The following POLD1 variants were observed in gnomAD, a reference collection of about 807,000 sequenced individuals.
POLD1 encodes DNA polymerase delta catalytic subunit.
A neutral mutation model predicts 129.7 loss-of-function variants in POLD1; 79 were observed. The observed-to-expected ratio is 0.61, with a 90% confidence interval of 0.51 to 0.73. The LOEUF (loss-of-function observed/expected upper bound fraction) is 0.73. Among genes scored for constraint, POLD1 ranks in the 30% least tolerant of loss-of-function variants. POLD1 has a pLI of 0.00. For synonymous variants in POLD1, 714 were observed against 683.3 expected, an observed-to-expected ratio of 1.04 and a Z score of -0.70; for missense variants, 1,338 against 1,595.8, an observed-to-expected ratio of 0.84 and a Z score of 2.75.
intron 21 of POLD1, 36 bp downstream of exon 21, chr19:50,415,626 C>A (rs1489428535): frequency 7.5e-6 from 12 of 1,598,516 alleles, no homozygotes; most frequent in South Asian, 1.1e-5. Flanking sequence ...CCAGAAATAA[C>A]CCCCTCCTTC....
At chr19:50,407,725 A>ATTTTTTTTTTTTTTTTTT (rs571759517) in intron 14 of POLD1, among the ~76,000 whole-genome samples, 1 of 95,334 alleles carries the variant, frequency 1.0e-5, no homozygotes, top group African/African-American at 4.7e-5. Flanking sequence ...CGCCTGGCTA[A>ATTTTTTTTTTTTTTTTTT]TTTTTTTTTT....
In POLD1 at chr19:50,402,281, G is replaced by C. The variant is rs746678748; in HGVS notation, c.666G>C (p.Pro222=). 34 of 1,608,320 alleles carry C rather than the reference G, an allele frequency of 2.1e-5. No homozygotes were observed. In the Admixed American group the frequency reaches 5.2e-4, roughly 25 times the overall value. The part of the protein sequence containing the change: ...ITVALPRLVA[P]ARRLLEQGIR... ...TGGCGCTGCCGCGCCTCGTGGCCCC[G>C]GCCCGCCGTCTCCTGGAACAGGGCA... Residue 222 remains proline (P), a synonymous_variant, in exon 6 of 27, where the codon CCG becomes CCC. Transcript: ENST00000440232.
intron 10 of POLD1, among the ~76,000 whole-genome samples, chr19:50,405,262 G>C (rs571668865): frequency 6.6e-6 from 1 of 152,284 alleles, no homozygotes; most frequent in South Asian, 2.1e-4. Flanking sequence ...GCCCACCCCA[G>C]TGACCTCATC....
At position 50,409,812 on chromosome 19, in the gene POLD1, A is replaced by G; in HGVS notation, c.2154+146A>G. 2 of 857,466 alleles carry G rather than the reference A, an allele frequency of 2.3e-6. No homozygotes were observed. Among genetic ancestry groups the G allele is most frequent in the African/African-American group, 1.7e-5 (1 of 58,894 alleles). 53.1% of individuals were successfully genotyped at this position (857,466 alleles called of 1,614,324 possible). ...AGAGAGAGGATGCCAATGTGGCTTG[A>G]GCAATTGGTCCATTCCTTCACTCAG... On this transcript the variant is annotated intron_variant, in intron 17 of 26. Transcript: ENST00000440232. This position sits in a 1 kb window ranked among gnomAD's most constrained non-coding sequence, Gnocchi z 5.8.
chr19:50,399,087 A>G (rs1230474086), intron 2 of POLD1, 34 bp downstream of exon 2: 2 of 1,550,350 alleles, frequency 1.3e-6, no homozygotes, highest in South Asian at 1.2e-5. Context: ...CTGCTGCCCA[A>G]CCCATTGCCC....
chr19:50,406,419 G>A lies in POLD1; in HGVS notation c.1396G>A (p.Glu466Lys), dbSNP rs760166741. ...QMDMLQVLLR[E>K]YKLRSYTLNA... is the part of the protein sequence containing the mutation. ...CCCACCCACCTAGGTGCTGCTGCGGGAGTACAAGCTCCGCTCCTACACGCT... is the reference window on the plus strand; with the variant it reads ...CCCACCCACCTAGGTGCTGCTGCGGAAGTACAAGCTCCGCTCCTACACGCT... The change falls in exon 12 of 27, where the codon GAG (glutamate) becomes AAG (lysine). Residue 466 changes from glutamate (E) to lysine (K), a missense_variant. This residue lies in a region of POLD1 where 720 missense variants were observed against 1,002.6 expected (regional missense o/e 0.72). Coordinates refer to ENST00000440232, the MANE Select transcript of POLD1 (RefSeq NM_002691.4). The surrounding 1 kb of genome is among the most constrained non-coding windows in gnomAD (Gnocchi z 5.5). 1 of 1,602,760 alleles carries A rather than the reference G, an allele frequency of 6.2e-7. No homozygotes were observed. Among genetic ancestry groups the A allele is most frequent in the Non-Finnish European group, 8.5e-7 (1 of 1,174,488 alleles).
At chr19:50,411,622 C>T (rs986247401) in intron 17 of POLD1, among the ~76,000 whole-genome samples, 21 of 152,140 alleles carry the variant, frequency 1.4e-4, no homozygotes, top group African/African-American at 4.8e-4. Flanking sequence ...GGGCGGATCA[C>T]GAGGTCAGGA....
chr19:50,406,932 A>AC lies in POLD1; in HGVS notation c.1495-49dup. The AC allele has an allele frequency of 1.8e-6, 2 of 1,091,710 alleles. No individual in the cohort carries two copies. The highest frequency in any genetic ancestry group is 1.9e-5 in the South Asian group (1 of 53,884). 67.6% of individuals were successfully genotyped at this position (1,091,710 alleles called of 1,614,324 possible). A position where few individuals can be genotyped will look rare whatever the true frequency, so the allele number is the denominator to read the frequency against. On this transcript the variant is annotated intron_variant, in intron 12 of 26. Transcript: ENST00000440232. The surrounding 1 kb of genome is among the most constrained non-coding windows in gnomAD (Gnocchi z 5.5). ...GACCCCCACTTCCTTCTCCTGCTCC[A>AC]CCTCCCACCCCCAACCCCTGGTCCC...
intron 10 of POLD1, among the ~76,000 whole-genome samples, chr19:50,404,055 C>T (rs1014941278): frequency 1.3e-5 from 2 of 152,166 alleles, no homozygotes; most frequent in Admixed American, 6.5e-5. Flanking sequence ...AGCCACAGAC[C>T]AGGTGGCTGA....
rs1263645903 is a variant in POLD1 at position 50,406,603 on chromosome 19, C to T, written c.1494+86C>T. 2 of 953,430 alleles carry T rather than the reference C, an allele frequency of 2.1e-6. No homozygotes were observed. The highest frequency in any genetic ancestry group is 3.2e-5 in the African/African-American group (2 of 61,962). The allele number at this position is 953,430 out of a possible 1,614,324, so 59.1% of individuals were successfully genotyped here. A position where few individuals can be genotyped will look rare whatever the true frequency, so the allele number is the denominator to read the frequency against. On this transcript the variant is annotated intron_variant, in intron 12 of 26. Coordinates refer to ENST00000440232, the MANE Select transcript of POLD1 (RefSeq NM_002691.4). The surrounding 1 kb of genome is among the most constrained non-coding windows in gnomAD (Gnocchi z 5.5). ...GCCTCTGACCTCAACTTCACGCCCC[C>T]ACGTCTGACCTCACTCTTTGACCTG...
intron 3 of POLD1, among the ~76,000 whole-genome samples, chr19:50,401,419 T>C (rs999971464): frequency 1.5e-5 from 2 of 137,702 alleles, no homozygotes; most frequent in Non-Finnish European, 3.1e-5. Context: ...TTTTTTTCTT[T>C]TTTTTGAGAC....
rs368535638 is a variant in POLD1 at position 50,417,295 on chromosome 19, C to T, written c.3218+26C>T. The T allele has an allele frequency of 2.5e-5, 38 of 1,496,514 alleles. No individual in the cohort carries two copies. In the African/African-American group the frequency reaches 4.7e-4, roughly 18 times the overall value. 92.7% of individuals were successfully genotyped at this position (1,496,514 alleles called of 1,614,324 possible). A position where few individuals can be genotyped will look rare whatever the true frequency, so the allele number is the denominator to read the frequency against. Reference sequence around the variant, plus strand: ...GTGTGTGCCATGTCCCGACCCTGGGCTGCCCCGCCCCTTCCCAGCTCCCAG... The same window carrying T: ...GTGTGTGCCATGTCCCGACCCTGGGTTGCCCCGCCCCTTCCCAGCTCCCAG... On this transcript the variant is annotated intron_variant, in intron 26 of 26. Coordinates refer to ENST00000440232, the MANE Select transcript of POLD1 (RefSeq NM_002691.4).
intron 17 of POLD1, among the ~76,000 whole-genome samples, 184 bp from the exon 18 acceptor site, chr19:50,413,242 A>G (rs1170972418): frequency 6.6e-6 from 1 of 152,122 alleles, no homozygotes; most frequent in Admixed American, 6.5e-5. Flanking sequence ...CCACCTGACC[A>G]TTGAGGAGCC....
upstream of POLD1, chr19:50,384,331 C>G (rs1285458603): frequency 6.6e-6 from 1 of 152,242 alleles, no homozygotes; most frequent in Non-Finnish European, 1.5e-5. Flanking sequence ...TGGGCTTGCG[C>G]GCGCGGGAGT....
intron 22 of POLD1, chr19:50,416,108 C>T (rs2039278960): frequency 6.9e-6 from 4 of 582,286 alleles, no homozygotes; most frequent in African/African-American, 1.9e-5. Flanking sequence ...CAGCTCTACC[C>T]CCACCCCCAG....
At position 50,407,168 on chromosome 19, in the gene POLD1, G is replaced by A. The variant is rs1193877394; in HGVS notation, c.1680G>A (p.Leu560=). 2 of 1,602,714 alleles carry A rather than the reference G, an allele frequency of 1.2e-6. No individual in the cohort carries two copies. The highest frequency in any genetic ancestry group is 1.1e-5 in the South Asian group (1 of 90,698). The change falls in exon 13 of 27, where the codon TTG becomes TTA. Residue 560 remains leucine (L), a synonymous_variant. Coordinates refer to ENST00000440232, the MANE Select transcript of POLD1 (RefSeq NM_002691.4). ...GQQVKVVSQL[L]RQAMHEGLLM... ...AGGTCAAGGTCGTATCCCAGCTGTT[G>A]CGGCAGGTCAGTAGCCGAGACTTGT...
chr19:50,386,230 C>T (rs3219298), intron 1 of POLD1, among the ~76,000 whole-genome samples: 2,686 of 152,054 alleles, frequency 0.018, 71 homozygotes, highest in African/African-American at 0.058. Context: ...CTCCACCTCC[C>T]GGGTTCAAGC....
chr19:50,386,288 C>T (rs2037969697), intron 1 of POLD1, among the ~76,000 whole-genome samples: 1 of 152,206 alleles, frequency 6.6e-6, no homozygotes, highest in African/African-American at 2.4e-5. Flanking sequence ...CAGGTGTGTG[C>T]CACCACGCCC....
At chr19:50,395,001 A>T (rs1293897292) in intron 1 of POLD1, 1 of 130,814 alleles carries the variant, frequency 7.6e-6, no homozygotes, top group Non-Finnish European at 1.5e-5. Flanking sequence ...ATGCCCAGCT[A>T]ATTTTTTTTT....
Sources: gnomAD v4.1 joint callset for allele counts (sites outside exome capture counted in the v4.1 genomes callset) on GRCh38, gnomAD v4.1.1 for gene constraint, gnomAD v4.1.1 regional missense constraint, Gnocchi (gnomAD v3.1) non-coding constraint, MANE v1.5 for transcripts, NCBI Gene and HGNC (gene_info 2026-07-23, HGNC 2026-07-21) for gene names.